The following DENND3 variants were observed in gnomAD, a reference collection of about 807,000 sequenced individuals.
DENND3 encodes DENN domain-containing protein 3.
DENND3 carries 88 observed loss-of-function variants against 135.1 expected under a neutral mutation model. The ratio of observed to expected loss-of-function variants is 0.65; its 90% confidence interval spans 0.55 to 0.78. The LOEUF is 0.78. Among genes scored for constraint, DENND3 ranks in the 30% least tolerant of loss-of-function variants. The probability of loss-of-function intolerance (pLI) is 0.00; values close to 1 mark genes in which losing one functional copy is unlikely to be tolerated. For missense variants in DENND3, 1,392 were observed against 1,688.4 expected (o/e 0.82, Z 3.08); for synonymous variants, 693 against 712.3 (o/e 0.97, Z 0.43).
chr8:141,170,190 C>T (rs1316835917), intron 13 of DENND3, among the ~76,000 whole-genome samples: 1 of 152,220 alleles, frequency 6.6e-6, no homozygotes, highest in Non-Finnish European at 1.5e-5. Flanking sequence ...TCTTGGGCTG[C>T]TTGTCCTTTC....
At chr8:141,133,103 G>T (rs1816334987) in intron 1 of DENND3, among the ~76,000 whole-genome samples, 1 of 152,226 alleles carries the variant, frequency 6.6e-6, no homozygotes, top group African/African-American at 2.4e-5. Context: ...TGGCTGCGGG[G>T]TGGCAGAGAC....
chr8:141,180,790 T>G lies in DENND3; in HGVS notation c.2880T>G (p.His960Gln). 14 of 1,613,750 alleles carry G rather than the reference T, an allele frequency of 8.7e-6. No homozygotes were observed. The highest frequency in any genetic ancestry group is 9.3e-6 in the Non-Finnish European group (11 of 1,179,860). The change falls in exon 17 of 23, where the codon CAT becomes CAG. Residue 960 changes from histidine (H) to glutamine (Q), a missense_variant. Transcript: ENST00000519811. ...LPETTLETLK[H>Q]KINPSAGEAF... Reference sequence around the variant, plus strand: ...AGACAACCCTGGAAACACTGAAGCATAAAATCAACCCCTCGGCGGGGGAGG... The same window carrying G: ...AGACAACCCTGGAAACACTGAAGCAGAAAATCAACCCCTCGGCGGGGGAGG...
chr8:141,164,419 G>A (rs1820513400), intron 10 of DENND3, among the ~76,000 whole-genome samples: 1 of 152,190 alleles, frequency 6.6e-6, no homozygotes, highest in African/African-American at 2.4e-5. Flanking sequence ...CAGCTTTGGG[G>A]TGGGCCGAGA....
chr8:141,167,563 T>G lies in DENND3; in HGVS notation c.1754-441T>G, dbSNP rs749027974. Among the ~76,000 whole-genome samples, 7 of 152,194 alleles carry G rather than the reference T, an allele frequency of 4.6e-5. No individual in the cohort carries two copies. Among genetic ancestry groups the G allele is most frequent in the Non-Finnish European group, 8.8e-5 (6 of 68,030 alleles). Reference sequence around the variant, plus strand: ...TGTACCTGGGACAAGTAACCCAGGCTGTGGAAGCCTCGGTTTCCGCATCTG... The same window carrying G: ...TGTACCTGGGACAAGTAACCCAGGCGGTGGAAGCCTCGGTTTCCGCATCTG... On this transcript the variant is annotated intron_variant, in intron 12 of 22. Coordinates refer to ENST00000519811, the MANE Select transcript of DENND3 (RefSeq NM_001352890.3). The surrounding 1 kb of genome is among the most constrained non-coding windows in gnomAD (Gnocchi z 4.1).
At chr8:141,165,889 C>G (rs1346450126) in intron 11 of DENND3, among the ~76,000 whole-genome samples, 2 of 152,114 alleles carry the variant, frequency 1.3e-5, no homozygotes, top group Admixed American at 6.6e-5. Flanking sequence ...CCACCTCCCC[C>G]CATCCTCAAA....
At chr8:141,179,261 T>C (rs1822789786) in intron 16 of DENND3, among the ~76,000 whole-genome samples, 1 of 152,228 alleles carries the variant, frequency 6.6e-6, no homozygotes, top group Non-Finnish European at 1.5e-5. Context: ...TGAAGGAGCT[T>C]TTGTCTGACA....
rs1555556249 is a variant in DENND3 at position 141,190,109 on chromosome 8, T to TGTTTGCATGTTTGCAGGTTAC, written c.3246-168_3246-167insTGTTTGCAGGTTACGTTTGCA. ...ATAGCATGTTTGCATGTTATTATCA[T>TGTTTGCATGTTTGCAGGTTAC]GTTTGCAGGTTACGTTTGCAGGTTA... On this transcript the variant is annotated intron_variant, in intron 19 of 22. Coordinates refer to ENST00000519811, the MANE Select transcript of DENND3 (RefSeq NM_001352890.3). 2.0e-5 allele frequency among the ~76,000 whole-genome samples: 3 copies of TGTTTGCATGTTTGCAGGTTAC among 151,460 alleles called. No individual in the cohort carries two copies. In the East Asian group the frequency reaches 5.8e-4, roughly 29 times the overall value.
At chr8:141,157,308 G>A (rs36084003) in intron 8 of DENND3, 327,404 of 984,924 alleles carry the variant, frequency 0.33, 54,829 homozygotes, top group Non-Finnish European at 0.34. Context: ...CAGGACGGAG[G>A]TGTTGGGTGT....
At chr8:141,159,502 A>G (rs1589617368) in intron 8 of DENND3, among the ~76,000 whole-genome samples, 1 of 152,120 alleles carries the variant, frequency 6.6e-6, no homozygotes, top group East Asian at 1.9e-4. Flanking sequence ...TCTCTAGCCC[A>G]TCGCTGTGAT....
chr8:141,172,843 C>T (rs868171667), intron 13 of DENND3, among the ~76,000 whole-genome samples: 5 of 151,756 alleles, frequency 3.3e-5, no homozygotes, highest in East Asian at 1.9e-4. Context: ...CCCAGGAATT[C>T]GAGGCTGCAG....
intron 20 of DENND3, 162 bp downstream of exon 20, chr8:141,190,579 C>T: frequency 9.1e-7 from 1 of 1,098,770 alleles, no homozygotes; most frequent in South Asian, 1.9e-5. Flanking sequence ...TTTACTCCAC[C>T]TGCACTGCTG....
At position 141,152,536 on chromosome 8, in the gene DENND3, C is replaced by A. The variant is rs114808199; in HGVS notation, c.1074+699C>A. 7.4e-3 allele frequency among the ~76,000 whole-genome samples: 1,130 copies of A among 152,282 alleles called. 17 individuals carry two copies. Among genetic ancestry groups the A allele is most frequent in the African/African-American group, 0.026 (1,078 of 41,548 alleles). On this transcript the variant is annotated intron_variant, in intron 7 of 22. Transcript: ENST00000519811. ...TTCACGTCATGGCTTTGAGACTCCT[C>A]CACGTGGTAGCATCTCTCAGCCCTT...
Position 141,150,831 on chromosome 8 carries a change from T to C in DENND3, c.736-3T>C. The C allele has an allele frequency of 6.3e-7, 1 of 1,593,498 alleles. No individual in the cohort carries two copies. The highest frequency in any genetic ancestry group is 1.8e-5 in the Admixed American group (1 of 54,858). ...AACTAATGACGGGAACTGGTTGTCG[T>C]AGGTATTTAACATGAAGTCGCTCCA... On this transcript the variant is annotated splice_polypyrimidine_tract_variant and splice_region_variant and intron_variant, in intron 5 of 22. Coordinates refer to ENST00000519811, the MANE Select transcript of DENND3 (RefSeq NM_001352890.3).
rs970976420 is a variant in DENND3, at chr8:141,176,609, A to G, written c.2554A>G (p.Thr852Ala). Residue 852 changes from threonine (T) to alanine (A), a missense_variant, in exon 15 of 23, where the codon ACT becomes GCT. Physicochemically the swap from Thr to Ala is moderately conservative, Grantham distance 58 (BLOSUM62 0). Coordinates refer to ENST00000519811, the MANE Select transcript of DENND3 (RefSeq NM_001352890.3). The part of the protein sequence containing the change: ...RNIEEVRRTT[T>A]TFLLRRIPTL... The stretch of plus-strand genomic sequence containing the variant: ...TCTGCAGGAGGTCAGGAGAACCACT[A>G]CTACATTTCTACTTCGGAGAATACC... 1.2e-6 allele frequency: 2 copies of G among 1,614,116 alleles called. No homozygotes were observed. Among genetic ancestry groups the G allele is most frequent in the African/African-American group, 2.7e-5 (2 of 74,938 alleles).
At position 141,175,406 on chromosome 8, in the gene DENND3, C is replaced by T; in HGVS notation, c.2482C>T (p.Leu828=). ...IAMTQKRLFL[L]TEGRPGYLEI... ...CATGACCCAGAAGCGCCTGTTCCTC[C>T]TAACCGAAGGAAGGCCAGGCTACTT... Residue 828 remains leucine (L), a synonymous_variant, in exon 14 of 23, where the codon CTA becomes TTA. Transcript: ENST00000519811. This position sits in a 1 kb window ranked among gnomAD's most constrained non-coding sequence, Gnocchi z 5.4. 1.2e-6 allele frequency: 2 copies of T among 1,614,192 alleles called. No homozygotes were observed. The highest frequency in any genetic ancestry group is 2.2e-5 in the South Asian group (2 of 91,084).
At position 141,142,515 on chromosome 8, in the gene DENND3, G is replaced by T. The variant is rs954744233; in HGVS notation, c.623+1191G>T. 4 of 386,892 alleles carry T rather than the reference G, an allele frequency of 1.0e-5. No homozygotes were observed. In the Admixed American group the frequency reaches 1.4e-4, roughly 13 times the overall value. 24.0% of individuals were successfully genotyped at this position (386,892 alleles called of 1,614,324 possible). On this transcript the variant is annotated intron_variant, in intron 4 of 22. Transcript: ENST00000519811. Reference sequence around the variant, plus strand: ...GTAATTCAAATCCCAGCACTTTAGTGGTTTACTTCTTAAAATATAACTGGC... The same window carrying T: ...GTAATTCAAATCCCAGCACTTTAGTTGTTTACTTCTTAAAATATAACTGGC...
chr8:141,191,387 A>G (rs1009617280), intron 20 of DENND3: 1 of 152,232 alleles, frequency 6.6e-6, no homozygotes. Flanking sequence ...TTGCAGGGTA[A>G]TAGTCCATTG....
rs1448448715 is a variant in DENND3 at position 141,194,369 on chromosome 8, G to A, written c.*136G>A. 7 of 1,083,000 alleles carry A rather than the reference G, an allele frequency of 6.5e-6. No individual in the cohort carries two copies. The East Asian group carries it at 7.7e-5, about 12-fold the overall frequency. The allele number at this position is 1,083,000 out of a possible 1,614,324, so 67.1% of individuals were successfully genotyped here. On this transcript the variant is annotated 3_prime_UTR_variant, in exon 23 of 23. Transcript: ENST00000519811. ...GCTCAGCATGGAGCCCACTTACCGTGTGGCCAGCCGCGAGACCCATGGCCA... is the reference window on the plus strand; with the variant it reads ...GCTCAGCATGGAGCCCACTTACCGTATGGCCAGCCGCGAGACCCATGGCCA...
In DENND3 at chr8:141,166,330, C is replaced by T; in HGVS notation, c.1694C>T (p.Ala565Val). The T allele has an allele frequency of 1.2e-6, 2 of 1,613,760 alleles. No homozygotes were observed. Among genetic ancestry groups the T allele is most frequent in the Non-Finnish European group, 1.7e-6 (2 of 1,180,016 alleles). ...CAGGACATTGCCATGCCTGAGCTGG[C>T]ACCCAGGAACTCCTCGCTCCGGCTG... is the stretch of plus-strand genomic sequence containing the variant. ...NLQDIAMPELAPRNSSLRLTD... is the reference protein window; with the variant it reads ...NLQDIAMPELVPRNSSLRLTD... Residue 565 changes from alanine (A) to valine (V), a missense_variant, in exon 12 of 23, where the codon GCA (alanine) becomes GTA (valine). Ala to Val is a moderately conservative substitution (Grantham distance 64). Coordinates refer to ENST00000519811, the MANE Select transcript of DENND3 (RefSeq NM_001352890.3). This position sits in a 1 kb window ranked among gnomAD's most constrained non-coding sequence, Gnocchi z 4.3.
Sources: allele counts gnomAD v4.1 joint callset (sites outside exome capture counted in the v4.1 genomes callset), GRCh38; gene constraint gnomAD v4.1.1; non-coding constraint Gnocchi (gnomAD v3.1); transcripts MANE v1.5; gene names NCBI Gene and HGNC (gene_info 2026-07-23, HGNC 2026-07-21).